The following URI1 variants were observed in gnomAD, a reference collection of about 807,000 sequenced individuals.
URI1 encodes the protein URI1 prefoldin like chaperone.
Under a neutral mutation model 60.2 loss-of-function variants are expected in URI1, and 39 were observed. That is an observed-to-expected ratio of 0.65 (90% CI 0.50 to 0.85). The LOEUF is 0.85. Among genes scored for constraint, URI1 ranks in the 40% least tolerant of loss-of-function variants. The probability of loss-of-function intolerance (pLI) is 0.00; values close to 1 mark genes in which losing one functional copy is unlikely to be tolerated. For missense variants in URI1, 691 were observed against 665.9 expected, an observed-to-expected ratio of 1.04 and a Z score of -0.42; for synonymous variants, 251 against 236.8, an observed-to-expected ratio of 1.06 and a Z score of -0.55.
Position 30,009,133 on chromosome 19 carries a change from T to A in URI1, c.815T>A (p.Val272Asp), listed in dbSNP as rs888876093. 3.1e-6 allele frequency: 5 copies of A among 1,613,964 alleles called. No individual in the cohort carries two copies. The highest frequency in any genetic ancestry group is 3.4e-6 in the Non-Finnish European group (4 of 1,180,008). Residue 272 changes from valine (V) to aspartate (D), a missense_variant, in exon 8 of 11, where the codon GTT becomes GAT. Physicochemically the swap from Val to Asp is radical, Grantham distance 152 (BLOSUM62 -3). Transcript: ENST00000392271. ...TCTCATACTCCTTGTCATAAGGATG[T>A]TGCAAGTTCAGAACCATTCAGTGGT... Reference protein sequence around the residue: ...TDSHTPCHKDVASSEPFSGQV... With the variant: ...TDSHTPCHKDDASSEPFSGQV...
chr19:30,002,018 G>A (rs1037790492), intron 4 of URI1, among the ~76,000 whole-genome samples: 4 of 151,846 alleles, frequency 2.6e-5, no homozygotes, highest in Admixed American at 2.0e-4. Context: ...TGAAGCTGTC[G>A]AAAGAATATT....
rs1398546962 is a variant in URI1 at position 30,015,201 on chromosome 19, C to A, written c.*132C>A. ...GTTACTTTGGCAACAAGTTCTTTTA[C>A]CCTTACCCGTGGTATTTGAAAAAAA... On this transcript the variant is annotated 3_prime_UTR_variant, in exon 11 of 11. Coordinates refer to ENST00000392271, the MANE Select transcript of URI1 (RefSeq NM_003796.3). 9.0e-6 allele frequency: 13 copies of A among 1,437,046 alleles called. No individual in the cohort carries two copies. The highest frequency in any genetic ancestry group is 1.0e-5 in the Non-Finnish European group (11 of 1,098,084). 89.0% of individuals were successfully genotyped at this position (1,437,046 alleles called of 1,614,324 possible).
At chr19:29,970,363 A>C (rs2055444254) in intron 1 of URI1, among the ~76,000 whole-genome samples, 1 of 151,974 alleles carries the variant, frequency 6.6e-6, no homozygotes. Context: ...AATTTTTATT[A>C]ATAGGTAATT....
At chr19:29,942,137 T>C, upstream of URI1, 1 of 875,564 alleles carries the variant, frequency 1.1e-6, no homozygotes, top group Non-Finnish European at 1.4e-6. Flanking sequence ...AGCCACGCGG[T>C]TCGCATCAAG....
chr19:29,956,536 T>C (rs931195018), intron 1 of URI1: 15 of 1,543,736 alleles, frequency 9.7e-6, no homozygotes, highest in Admixed American at 1.7e-5. Context: ...TGAAACAAGC[T>C]CAGTGTCATT....
intron 4 of URI1, among the ~76,000 whole-genome samples, chr19:29,989,203 G>A (rs1018619070): frequency 1.3e-4 from 19 of 148,108 alleles, no homozygotes; most frequent in African/African-American, 4.2e-4. Flanking sequence ...CTTAGCCTCC[G>A]AGGTTCGAGC....
intron 4 of URI1, among the ~76,000 whole-genome samples, chr19:29,989,167 G>T (rs781271537): frequency 6.6e-6 from 1 of 151,664 alleles, no homozygotes; most frequent in East Asian, 1.9e-4. Flanking sequence ...CTGGAGTGCA[G>T]TGGGGCGATC....
chr19:29,974,799 C>A (rs2055500893), intron 2 of URI1, among the ~76,000 whole-genome samples: 1 of 152,064 alleles, frequency 6.6e-6, no homozygotes, highest in Admixed American at 6.6e-5. Flanking sequence ...TCCATGTGTC[C>A]CCAGTGGTTA....
chr19:29,986,180 A>C, intron 3 of URI1, 102 bp from the exon 4 acceptor site: 4 of 1,179,892 alleles, frequency 3.4e-6, no homozygotes, highest in Non-Finnish European at 4.5e-6. Context: ...TGTATAAATA[A>C]AAAAATTCAG....
intron 4 of URI1, among the ~76,000 whole-genome samples, chr19:30,002,337 T>C (rs2055889381): frequency 6.6e-6 from 1 of 152,174 alleles, no homozygotes. Flanking sequence ...AAATGACTGC[T>C]TAAGTTCTTA....
intron 1 of URI1, among the ~76,000 whole-genome samples, chr19:29,958,965 A>AC (rs397744089): frequency 1.3e-5 from 2 of 150,022 alleles, no homozygotes; most frequent in Admixed American, 6.7e-5. Flanking sequence ...CAAAAAAAAA[A>AC]CAACAAAAAA....
chr19:29,966,364 C>G (rs2055391468), intron 1 of URI1, among the ~76,000 whole-genome samples: 1 of 152,104 alleles, frequency 6.6e-6, no homozygotes, highest in South Asian at 2.1e-4. Flanking sequence ...GTCTGAACTC[C>G]TGGCATCATG....
At chr19:29,964,879 T>A (rs1257426378) in intron 1 of URI1, among the ~76,000 whole-genome samples, 1 of 151,812 alleles carries the variant, frequency 6.6e-6, no homozygotes, top group Non-Finnish European at 1.5e-5. Flanking sequence ...TTCTTCTACT[T>A]GTATTTACTC....
At chr19:30,014,075 TAAAAA>T (rs202129691) in intron 10 of URI1, 4 of 141,530 alleles carry the variant, frequency 2.8e-5, no homozygotes, top group Non-Finnish European at 4.7e-5. Context: ...CCAGCAATCT[TAAAAA>T]AAAAAAAAAA....
At chr19:29,956,365 A>C in intron 1 of URI1, 1 of 1,124,984 alleles carries the variant, frequency 8.9e-7, no homozygotes, top group Non-Finnish European at 1.2e-6. Context: ...AGTATGTCTT[A>C]GGAGTCATCT....
At chr19:29,984,420 C>G (rs1237544096) in intron 2 of URI1, among the ~76,000 whole-genome samples, 1 of 152,108 alleles carries the variant, frequency 6.6e-6, no homozygotes, top group Non-Finnish European at 1.5e-5. Flanking sequence ...CAGAGAGAGA[C>G]TCTGTCTTAA....
intron 1 of URI1, among the ~76,000 whole-genome samples, chr19:29,928,414 T>G (rs1180756966): frequency 6.6e-6 from 1 of 152,100 alleles, no homozygotes; most frequent in Non-Finnish European, 1.5e-5. Context: ...GAGACAGCAG[T>G]CTGGGCCGAT....
chr19:29,927,013 C>T (rs2054874131), intron 1 of URI1, among the ~76,000 whole-genome samples: 1 of 152,176 alleles, frequency 6.6e-6, no homozygotes, highest in Non-Finnish European at 1.5e-5. Context: ...GTGGACTCCA[C>T]TCTCTGGGCT....
At chr19:29,929,400 C>T (rs1419083556) in intron 1 of URI1, among the ~76,000 whole-genome samples, 1 of 152,044 alleles carries the variant, frequency 6.6e-6, no homozygotes, top group Non-Finnish European at 1.5e-5. Flanking sequence ...AGTTGGAGAC[C>T]AGCCTGGCCA....
Sources: allele counts gnomAD v4.1 joint callset (sites outside exome capture counted in the v4.1 genomes callset), GRCh38; gene constraint gnomAD v4.1.1; transcripts MANE v1.5; gene names NCBI Gene and HGNC (gene_info 2026-07-23, HGNC 2026-07-21).